ST7L: variants seen among roughly 807,000 people sequenced by gnomAD.
ST7L encodes suppression of tumorigenicity 7 like.
In ST7L, 57 loss-of-function variants were observed where a neutral mutation model predicts 72.5. The ratio of observed to expected loss-of-function variants is 0.79; its 90% CI spans 0.64 to 0.98. ST7L has a LOEUF of 0.98. Among genes scored for constraint, ST7L ranks in the 50% least tolerant of loss-of-function variants. The pLI is 0.00. For synonymous variants in ST7L, 221 were observed against 240.9 expected (o/e 0.92, Z 0.77); for missense variants, 576 against 672.2 (o/e 0.86, Z 1.58).
At chr1:112,583,939 A>G (rs777042712) in intron 7 of ST7L, 33 bp downstream of exon 7, 1 of 1,593,326 alleles carries the variant, frequency 6.3e-7, no homozygotes, top group Admixed American at 1.8e-5. Context: ...ACAGATGCTA[A>G]AAGACAGTAA....
At chr1:112,584,827 C>A (rs558995901) in intron 6 of ST7L, among the ~76,000 whole-genome samples, 1 of 152,226 alleles carries the variant, frequency 6.6e-6, no homozygotes, top group Non-Finnish European at 1.5e-5. Context: ...TTTATGACAT[C>A]CATTTCATGG....
At chr1:112,605,660 A>G (rs1203320983) in intron 3 of ST7L, among the ~76,000 whole-genome samples, 1 of 152,172 alleles carries the variant, frequency 6.6e-6, no homozygotes, top group Admixed American at 6.5e-5. Flanking sequence ...ACTGCACTCC[A>G]GCCTGGGCAA....
At chr1:112,554,965 A>G (rs972141548) in intron 12 of ST7L, among the ~76,000 whole-genome samples, 2 of 152,328 alleles carry the variant, frequency 1.3e-5, no homozygotes, top group African/African-American at 4.8e-5. Context: ...GGTGGCTGCC[A>G]AGGGCTAGAG....
At chr1:112,532,964 T>C (rs1230099589) in intron 14 of ST7L, among the ~76,000 whole-genome samples, 1 of 152,230 alleles carries the variant, frequency 6.6e-6, no homozygotes, top group African/African-American at 2.4e-5. Flanking sequence ...TATGATATTT[T>C]AGACCAAAAG....
Position 112,524,816 on chromosome 1 carries a change from G to A in ST7L, c.*1197C>T, listed in dbSNP as rs947449054. 6.6e-6 allele frequency: 1 copy of A among 152,034 alleles called. No individual in the cohort carries two copies. The allele number at this position is 152,034 out of a possible 1,614,324, so 9.4% of individuals were successfully genotyped here. ...TAGAGAACTTCTCTCAGGCTGCATA[G>A]GAGTTCTGCTCATCCTCCTCTCCCC... On this transcript the variant is annotated 3_prime_UTR_variant, in exon 15 of 15. Coordinates refer to ENST00000358039, the MANE Select transcript of ST7L (RefSeq NM_017744.5).
intron 11 of ST7L, among the ~76,000 whole-genome samples, chr1:112,560,147 C>T (rs1049891390): frequency 6.6e-6 from 1 of 152,108 alleles, no homozygotes; most frequent in Admixed American, 6.5e-5. Flanking sequence ...GTAATCCCAG[C>T]ACTTTGGGAG....
intron 3 of ST7L, among the ~76,000 whole-genome samples, chr1:112,608,328 A>G (rs1358970692): frequency 6.6e-6 from 1 of 152,090 alleles, no homozygotes; most frequent in Non-Finnish European, 1.5e-5. Context: ...TTTTAACTCA[A>G]TTTGAGATCC....
At chr1:112,562,797 A>G (rs564387188) in intron 11 of ST7L, among the ~76,000 whole-genome samples, 1 of 152,298 alleles carries the variant, frequency 6.6e-6, no homozygotes, top group East Asian at 1.9e-4. Context: ...AGGTCTTTTA[A>G]GACTTGCTAT....
At position 112,611,979 on chromosome 1, in the gene ST7L, A is replaced by G. The variant is rs543260036; in HGVS notation, c.289-976T>C. Among the ~76,000 whole-genome samples the G allele has an allele frequency of 2.1e-3, 321 of 151,408 alleles. 1 individual carries two copies. The highest frequency in any genetic ancestry group is 6.6e-3 in the African/African-American group (273 of 41,364). On this transcript the variant is annotated intron_variant, in intron 2 of 14. Coordinates refer to ENST00000358039, the MANE Select transcript of ST7L (RefSeq NM_017744.5). ...AGTGAGACCCTGTCTCAAAAAAAAA[A>G]AAAAAAAAAAAAAAAGTCACCTGAC... is the stretch of plus-strand genomic sequence containing the variant.
At chr1:112,603,674 T>C (rs1165759716) in intron 3 of ST7L, among the ~76,000 whole-genome samples, 2 of 152,202 alleles carry the variant, frequency 1.3e-5, no homozygotes, top group African/African-American at 2.4e-5. Flanking sequence ...CAAAATACCA[T>C]TGACTGTGTG....
intron 13 of ST7L, among the ~76,000 whole-genome samples, chr1:112,548,999 T>TTGTGTGTGTG (rs71081247): frequency 6.7e-6 from 1 of 148,812 alleles, no homozygotes; most frequent in African/African-American, 2.5e-5. Context: ...GCTTGTTACT[T>TTGTGTGTGTG]TGTGTGTGTG....
intron 4 of ST7L, among the ~76,000 whole-genome samples, chr1:112,600,135 G>C (rs1383309744): frequency 6.6e-6 from 1 of 152,090 alleles, no homozygotes; most frequent in African/African-American, 2.4e-5. Context: ...TTGCCTCCTG[G>C]GTTCAAGTGA....
At chr1:112,594,177 G>C (rs1415082626) in intron 5 of ST7L, among the ~76,000 whole-genome samples, 4 of 143,504 alleles carry the variant, frequency 2.8e-5, no homozygotes, top group Non-Finnish European at 4.5e-5. Flanking sequence ...CCTGCTCACT[G>C]CAAAGATATG....
intron 3 of ST7L, chr1:112,610,511 G>C (rs1668909931): frequency 4.0e-6 from 1 of 252,036 alleles, no homozygotes; most frequent in African/African-American, 2.2e-5. Flanking sequence ...GGAAGTCTAT[G>C]ACCAAGGTAC....
rs1571138377 is a variant in ST7L, at chr1:112,578,246, A to C, written c.1142+99T>G. 5.2e-6 allele frequency: 6 copies of C among 1,164,594 alleles called. No individual in the cohort carries two copies. The East Asian group carries it at 1.4e-4, about 28-fold the overall frequency. 72.1% of individuals were successfully genotyped at this position (1,164,594 alleles called of 1,614,324 possible). A position where few individuals can be genotyped will look rare whatever the true frequency, so the allele number is the denominator to read the frequency against. ...GAAGATCCAGGGCTATTCAGAAGGA[A>C]GTAGAGTGGAAAACAGCATTGTTTA... On this transcript the variant is annotated intron_variant, in intron 10 of 14. Coordinates refer to ENST00000358039, the MANE Select transcript of ST7L (RefSeq NM_017744.5).
At chr1:112,575,907 C>G (rs944850790) in intron 11 of ST7L, among the ~76,000 whole-genome samples, 1 of 152,216 alleles carries the variant, frequency 6.6e-6, no homozygotes, top group Non-Finnish European at 1.5e-5. Context: ...CTTACTCTAA[C>G]AGGCTTACAA....
At chr1:112,597,720 G>T (rs903606374) in intron 5 of ST7L, among the ~76,000 whole-genome samples, 4 of 152,156 alleles carry the variant, frequency 2.6e-5, no homozygotes, top group African/African-American at 9.7e-5. Flanking sequence ...TGGAAAAGTA[G>T]TTGCTATATT....
intron 3 of ST7L, 92 bp downstream of exon 3, chr1:112,610,749 C>T (rs1668951258): frequency 1.4e-6 from 2 of 1,444,498 alleles, no homozygotes; most frequent in African/African-American, 1.4e-5. Flanking sequence ...ACATGCACAC[C>T]ACAGCACTCT....
chr1:112,558,309 CA>C, intron 11 of ST7L, among the ~76,000 whole-genome samples: 1 of 152,188 alleles, frequency 6.6e-6, no homozygotes, highest in South Asian at 2.1e-4. Context: ...ACTAACGGGA[CA>C]ACAGAAATTA....
Sources: gnomAD v4.1 joint callset for allele counts (sites outside exome capture counted in the v4.1 genomes callset) on GRCh38, gnomAD v4.1.1 for gene constraint, MANE v1.5 for transcripts, NCBI Gene and HGNC (gene_info 2026-07-23, HGNC 2026-07-21) for gene names.